The following RIMS2 variants were observed in gnomAD, a reference collection of about 807,000 sequenced individuals.
The protein encoded by RIMS2 is regulating synaptic membrane exocytosis 2.
RIMS2 carries 59 observed loss-of-function variants against 174.4 expected under a neutral mutation model. The ratio of observed to expected loss-of-function variants is 0.34; its 90% CI spans 0.27 to 0.42. RIMS2 has a LOEUF of 0.42. Among genes scored for constraint, RIMS2 ranks in the 10% least tolerant of loss-of-function variants. RIMS2 has a pLI of 1.00. For missense variants in RIMS2, 1,620 were observed against 1,666.3 expected (o/e 0.97, Z 0.48); for synonymous variants, 606 against 572.5 (o/e 1.06, Z -0.84).
intron 4 of RIMS2, among the ~76,000 whole-genome samples, chr8:103,904,481 C>A (rs1039366188): frequency 1.4e-4 from 21 of 151,962 alleles, no homozygotes; most frequent in Middle Eastern, 6.8e-3. Context: ...AGCCAGTTCC[C>A]CTCAATTTTT....
At chr8:104,025,039 G>A (rs939497558) in intron 19 of RIMS2, among the ~76,000 whole-genome samples, 8 of 152,138 alleles carry the variant, frequency 5.3e-5, no homozygotes, top group Non-Finnish European at 1.0e-4. Context: ...TCAAGTGTAG[G>A]AAAAAGGATG....
intron 3 of RIMS2, among the ~76,000 whole-genome samples, chr8:103,828,880 G>T (rs964210749): frequency 4.9e-4 from 75 of 152,074 alleles, no homozygotes; most frequent in African/African-American, 1.7e-3. Context: ...GGTTGTAGTT[G>T]TGTGGCTTTA....
chr8:103,873,107 A>G (rs1445983631), intron 3 of RIMS2, among the ~76,000 whole-genome samples: 2 of 152,158 alleles, frequency 1.3e-5, no homozygotes, highest in Non-Finnish European at 2.9e-5. Flanking sequence ...GTTTTGGTAG[A>G]TAGGATATCC....
intron 1 of RIMS2, among the ~76,000 whole-genome samples, chr8:103,525,939 A>C (rs909701216): frequency 2.6e-5 from 4 of 152,220 alleles, no homozygotes; most frequent in African/African-American, 9.6e-5. Context: ...GAGAGCTAAC[A>C]CATCAATGAA....
At chr8:103,878,894 T>TA (rs1565075461) in intron 3 of RIMS2, among the ~76,000 whole-genome samples, 1 of 151,572 alleles carries the variant, frequency 6.6e-6, no homozygotes, top group Non-Finnish European at 1.5e-5. Context: ...TCACAGAATC[T>TA]TTTTGTTGTT....
chr8:104,167,586 A>G (rs1449971360), intron 19 of RIMS2, among the ~76,000 whole-genome samples: 1 of 152,132 alleles, frequency 6.6e-6, no homozygotes. Context: ...CCTTTGTCAG[A>G]TGCAAAATTC....
At chr8:104,140,707 C>T (rs1254477969) in intron 19 of RIMS2, among the ~76,000 whole-genome samples, 1 of 152,070 alleles carries the variant, frequency 6.6e-6, no homozygotes, top group Non-Finnish European at 1.5e-5. Context: ...CCATTTCAGC[C>T]CCCACTTGCT....
At chr8:103,522,539 A>G (rs1464848142) in intron 1 of RIMS2, among the ~76,000 whole-genome samples, 3 of 152,126 alleles carry the variant, frequency 2.0e-5, no homozygotes, top group South Asian at 2.1e-4. Context: ...AAGGTAAAGT[A>G]GTGAGCTTGT....
At chr8:103,711,708 C>A (rs895492846) in intron 2 of RIMS2, among the ~76,000 whole-genome samples, 1 of 151,962 alleles carries the variant, frequency 6.6e-6, no homozygotes, top group African/African-American at 2.4e-5. Context: ...TCAGGCTGGG[C>A]AACATGGTGA....
intron 3 of RIMS2, among the ~76,000 whole-genome samples, chr8:103,795,191 T>TCC (rs1386666776): frequency 6.6e-6 from 1 of 152,124 alleles, no homozygotes; most frequent in Admixed American, 6.5e-5. Context: ...AACCCAAATG[T>TCC]CATCAATGAT....
chr8:103,723,528 A>G (rs1171290873), intron 2 of RIMS2, among the ~76,000 whole-genome samples: 1 of 152,046 alleles, frequency 6.6e-6, no homozygotes, highest in African/African-American at 2.4e-5. Context: ...TTTCCAGCAT[A>G]TGTGTGTGGC....
At chr8:104,250,961 G>A (rs575220497) in intron 22 of RIMS2, 63 bp from the exon 29 acceptor site, 56 of 1,411,944 alleles carry the variant, frequency 4.0e-5, no homozygotes, top group African/African-American at 8.5e-5. Flanking sequence ...AAATGTCACC[G>A]TGCGTCGGCC....
At chr8:104,207,754 A>T (rs1372337694) in intron 19 of RIMS2, among the ~76,000 whole-genome samples, 1 of 151,894 alleles carries the variant, frequency 6.6e-6, no homozygotes, top group Admixed American at 6.6e-5. Flanking sequence ...CAGAGATTGC[A>T]GTGAGCCAAG....
intron 3 of RIMS2, among the ~76,000 whole-genome samples, chr8:103,800,716 C>G (rs1243035348): frequency 6.6e-6 from 1 of 152,050 alleles, no homozygotes; most frequent in Non-Finnish European, 1.5e-5. Flanking sequence ...TTATGTATTG[C>G]TGGATTGGAT....
At chr8:104,101,493 T>A (rs2097900931) in intron 19 of RIMS2, among the ~76,000 whole-genome samples, 1 of 152,188 alleles carries the variant, frequency 6.6e-6, no homozygotes, top group Non-Finnish European at 1.5e-5. Flanking sequence ...CATTGTCTAT[T>A]TTTTATTGTA....
At chr8:103,687,491 A>G (rs891915358) in intron 1 of RIMS2, among the ~76,000 whole-genome samples, 10 of 152,134 alleles carry the variant, frequency 6.6e-5, no homozygotes, top group Non-Finnish European at 1.2e-4. Flanking sequence ...AATCCAGCTA[A>G]TTACCATATG....
intron 19 of RIMS2, among the ~76,000 whole-genome samples, chr8:104,073,681 A>T (rs760026222): frequency 6.6e-6 from 1 of 152,198 alleles, no homozygotes; most frequent in Non-Finnish European, 1.5e-5. Context: ...TTGGGTTAGA[A>T]CAGAGGACAA....
chr8:104,113,644 T>C (rs1369768202), intron 19 of RIMS2, among the ~76,000 whole-genome samples: 1 of 151,960 alleles, frequency 6.6e-6, no homozygotes, highest in Non-Finnish European at 1.5e-5. Flanking sequence ...TTTAACCCAC[T>C]GACTATATAT....
intron 14 of RIMS2, among the ~76,000 whole-genome samples, chr8:103,947,108 G>T (rs1334115784): frequency 6.6e-6 from 1 of 151,970 alleles, no homozygotes; most frequent in Non-Finnish European, 1.5e-5. Context: ...AACTTAAAAT[G>T]GATAATAGAC....
Sources: gnomAD v4.1 joint callset for allele counts (sites outside exome capture counted in the v4.1 genomes callset) on GRCh38, gnomAD v4.1.1 for gene constraint, MANE v1.5 for transcripts, NCBI Gene and HGNC (gene_info 2026-07-23, HGNC 2026-07-21) for gene names.